Variants in NMS observed in about 807,000 individuals in gnomAD.
The protein encoded by NMS is neuromedin-S.
NMS carries 30 observed loss-of-function variants against 32.2 expected under a neutral mutation model. The observed-to-expected ratio is 0.93, with a 90% CI of 0.70 to 1.26. The LOEUF (loss-of-function observed/expected upper bound fraction) is 1.26, where lower values mean the gene tolerates loss of function less well. NMS is among the 50% of genes most tolerant of loss of function. NMS has a pLI of 0.00. For synonymous variants in NMS, 76 were observed against 58.5 expected (o/e 1.30, Z -1.37); for missense variants, 190 against 186.3 (o/e 1.02, Z -0.12).
intron 8 of NMS, among the ~76,000 whole-genome samples, chr2:100,481,914 T>C (rs1313019641): frequency 2.0e-5 from 3 of 152,226 alleles, no homozygotes; most frequent in Admixed American, 2.0e-4. Flanking sequence ...CTGTATGACC[T>C]ACTCGTTTCC....
intron 1 of NMS, among the ~76,000 whole-genome samples, chr2:100,472,471 T>C (rs1209434265): frequency 6.6e-6 from 1 of 152,218 alleles, no homozygotes; most frequent in Non-Finnish European, 1.5e-5. Flanking sequence ...AAATACAAAC[T>C]AAGTTGTTAC....
At chr2:100,478,191 A>T (rs1677148404) in intron 5 of NMS, among the ~76,000 whole-genome samples, 1 of 151,998 alleles carries the variant, frequency 6.6e-6, no homozygotes, top group African/African-American at 2.4e-5. Context: ...AAAACTCCTG[A>T]CCTCAGGCCA....
intron 3 of NMS, among the ~76,000 whole-genome samples, chr2:100,476,670 T>C (rs1369574657): frequency 6.9e-6 from 1 of 144,254 alleles, no homozygotes; most frequent in Non-Finnish European, 1.5e-5. Context: ...ACTTACGCTA[T>C]GGTTTTGTAA....
intron 9 of NMS, 123 bp from the exon 10 acceptor site, chr2:100,483,129 T>C: frequency 6.0e-6 from 5 of 827,790 alleles, no homozygotes; most frequent in Non-Finnish European, 9.8e-6. Context: ...AACCTGGGCA[T>C]TTATGACACT....
intron 1 of NMS, 84 bp from the exon 2 acceptor site, chr2:100,472,711 T>C (rs987988385): frequency 1.2e-6 from 1 of 826,462 alleles, no homozygotes; most frequent in East Asian, 2.6e-5. Context: ...TTTAACAGAA[T>C]GTCTGTTTTT....
chr2:100,479,560 C>T, intron 6 of NMS, 133 bp downstream of exon 6: 1 of 742,882 alleles, frequency 1.3e-6, no homozygotes, highest in South Asian at 1.9e-5. Context: ...GCAGGGAGCA[C>T]TGAGCAGAAC....
At chr2:100,471,247 G>A (rs17354775) in intron 1 of NMS, among the ~76,000 whole-genome samples, 2,413 of 152,268 alleles carry the variant, frequency 0.016, 32 homozygotes, top group Non-Finnish European at 0.028. Context: ...GAACAACTAC[G>A]GTTGGAAACA....
At chr2:100,480,619 C>A in intron 7 of NMS, 88 bp downstream of exon 7, 1 of 1,308,784 alleles carries the variant, frequency 7.6e-7, no homozygotes, top group Non-Finnish European at 1.1e-6. Flanking sequence ...CACCCTGCAG[C>A]CCCTCCAGAC....
At position 100,479,405 on chromosome 2, in the gene NMS, G is replaced by T; in HGVS notation, c.314G>T (p.Arg105Leu). The T allele has an allele frequency of 6.2e-7, 1 of 1,610,942 alleles. No homozygotes were observed. Residue 105 changes from arginine to leucine, a missense_variant, in exon 6 of 10, where the codon CGG (arginine) becomes CTG (leucine). By Grantham distance (102) the Arg-to-Leu change is moderately radical. Coordinates refer to ENST00000376865, the MANE Select transcript of NMS (RefSeq NM_001011717.1). ...CTGGCTGCCAAGCTCGCCAACAGGC[G>T]GATGAAGAGAATTCTGCAGCGAGTA... is the stretch of plus-strand genomic sequence containing the variant. ...MHLAAKLANR[R>L]MKRILQRGSG...
Position 100,472,846 on chromosome 2 carries a change from T to C in NMS, c.128T>C (p.Leu43Pro). 6.2e-7 allele frequency: 1 copy of C among 1,604,944 alleles called. No individual in the cohort carries two copies. The highest frequency in any genetic ancestry group is 8.5e-7 in the Non-Finnish European group (1 of 1,172,024). Residue 43 changes from leucine to proline, a missense_variant, in exon 2 of 10, where the codon CTT (leucine) becomes CCT (proline). Leu to Pro is a moderately conservative substitution (Grantham distance 98). Coordinates refer to ENST00000376865, the MANE Select transcript of NMS (RefSeq NM_001011717.1). The part of the protein sequence containing the change: ...DPSDGLDIVQ[L>P]EQLAYCLSQW... ...TCAGATGGCTTGGATATTGTGCAGC[T>C]TGAGGTACCCAATTATTCAGTAATG...
chr2:100,481,052 G>A (rs1056614660), intron 7 of NMS, 74 bp from the exon 8 acceptor site: 2 of 1,495,170 alleles, frequency 1.3e-6, no homozygotes, highest in Non-Finnish European at 1.9e-6. Context: ...TTTGAAAACT[G>A]TTCCTATAGA....
At chr2:100,479,548 T>C in intron 6 of NMS, 121 bp downstream of exon 6, 2 of 862,662 alleles carry the variant, frequency 2.3e-6, no homozygotes, top group East Asian at 2.8e-5. Context: ...GTCTCCACCT[T>C]GGCAGGGAGC....
At chr2:100,480,555 C>A (rs779758515) in intron 7 of NMS, 24 bp downstream of exon 7, 2 of 1,611,656 alleles carry the variant, frequency 1.2e-6, no homozygotes, top group African/African-American at 1.3e-5. Context: ...TTGGAGACTG[C>A]GACCCCCAAA....
At chr2:100,477,337 A>G (rs1295304897) in intron 4 of NMS, 24 bp from the exon 5 acceptor site, 4 of 1,609,550 alleles carry the variant, frequency 2.5e-6, no homozygotes, top group Non-Finnish European at 3.4e-6. Flanking sequence ...CTCGATACTA[A>G]TATCACTTTC....
chr2:100,473,431 A>T, intron 2 of NMS, 58 bp from the exon 3 acceptor site: 2 of 967,812 alleles, frequency 2.1e-6, no homozygotes, highest in Non-Finnish European at 1.5e-6. Context: ...CCCATTAATC[A>T]ATCTCTCTCT....
intron 1 of NMS, among the ~76,000 whole-genome samples, chr2:100,472,103 G>T (rs929723843): frequency 2.0e-5 from 3 of 152,178 alleles, no homozygotes; most frequent in Admixed American, 6.5e-5. Context: ...AACATAAACT[G>T]CTCTTGAGCC....
At chr2:100,476,882 G>A (rs1677120612) in intron 3 of NMS, among the ~76,000 whole-genome samples, 1 of 152,098 alleles carries the variant, frequency 6.6e-6, no homozygotes, top group South Asian at 2.1e-4. Context: ...CTGAATACTA[G>A]AATACACTCT....
At chr2:100,481,392 C>G (rs761043502) in intron 8 of NMS, among the ~76,000 whole-genome samples, 2 of 152,108 alleles carry the variant, frequency 1.3e-5, no homozygotes, top group African/African-American at 4.8e-5. Context: ...CCAGAGTAGG[C>G]GTAAGGGAGT....
intron 3 of NMS, 62 bp from the exon 4 acceptor site, chr2:100,477,182 C>T (rs916934169): frequency 1.3e-5 from 18 of 1,411,632 alleles, no homozygotes; most frequent in South Asian, 4.6e-5. Flanking sequence ...ATACAGAAAA[C>T]GTTATCCGTT....
Sources: gnomAD v4.1 joint callset for allele counts (sites outside exome capture counted in the v4.1 genomes callset) on GRCh38, gnomAD v4.1.1 for gene constraint, MANE v1.5 for transcripts, NCBI Gene and HGNC (gene_info 2026-07-23, HGNC 2026-07-21) for gene names.